UBL3: variants seen among roughly 807,000 people sequenced by gnomAD.
UBL3 encodes the protein ubiquitin like 3, also known as ubiquitin-like protein 3.
Under a neutral mutation model 18.4 loss-of-function variants are expected in UBL3, and 6 were observed. The observed-to-expected ratio is 0.33, with a 90% CI of 0.18 to 0.64. The LOEUF is 0.64. Ranked by LOEUF, UBL3 falls within the 30% of genes least tolerant of loss-of-function variation. The pLI, the probability that UBL3 is intolerant of heterozygous loss-of-function variation, is 0.76. For missense variants in UBL3, 109 were observed against 142.9 expected (o/e 0.76, Z 1.21); for synonymous variants, 49 against 46.6 (o/e 1.05, Z -0.21).
intron 1 of UBL3, among the ~76,000 whole-genome samples, chr13:29,784,695 A>AG (rs547268206): frequency 6.6e-6 from 1 of 152,300 alleles, no homozygotes; most frequent in Admixed American, 6.5e-5. Flanking sequence ...GCCAGCTGGA[A>AG]GGGGAGACAG....
intron 1 of UBL3, among the ~76,000 whole-genome samples, chr13:29,813,630 A>G (rs1878174648): frequency 6.6e-6 from 1 of 152,112 alleles, no homozygotes; most frequent in Non-Finnish European, 1.5e-5. Flanking sequence ...GTTGTAAGTA[A>G]TCTAGAGATA....
At chr13:29,789,903 C>T (rs1430627217) in intron 1 of UBL3, among the ~76,000 whole-genome samples, 3 of 152,118 alleles carry the variant, frequency 2.0e-5, no homozygotes, top group African/African-American at 2.4e-5. Flanking sequence ...ATATTTGTAT[C>T]ACTGTTGCAT....
rs2139303566 is a variant in UBL3, at chr13:29,766,965, T to C, written c.*290A>G. ...AATTTTGTGGCAGCAAAATGGTTTC[T>C]GCTACGAAAGATAACTTGTTAACTT... On this transcript the variant is annotated 3_prime_UTR_variant, in exon 5 of 5. Coordinates refer to ENST00000380680, the MANE Select transcript of UBL3 (RefSeq NM_007106.4). The C allele has an allele frequency of 3.9e-6, 1 of 257,676 alleles. No homozygotes were observed. Among genetic ancestry groups the C allele is most frequent in the East Asian group, 7.7e-5 (1 of 12,986 alleles). The allele number at this position is 257,676 out of a possible 1,614,324, so 16.0% of individuals were successfully genotyped here. A position where few individuals can be genotyped will look rare whatever the true frequency, so the allele number is the denominator to read the frequency against.
chr13:29,768,064 T>C (rs1452337142), intron 3 of UBL3, among the ~76,000 whole-genome samples: 1 of 152,102 alleles, frequency 6.6e-6, no homozygotes, highest in African/African-American at 2.4e-5. Flanking sequence ...TATTCATTTC[T>C]AAATCTAATT....
At chr13:29,822,072 T>C (rs1878468252) in intron 1 of UBL3, among the ~76,000 whole-genome samples, 2 of 152,234 alleles carry the variant, frequency 1.3e-5, no homozygotes, top group Admixed American at 6.5e-5. Context: ...TGGTTGAATA[T>C]ATATGGTAGG....
At position 29,777,171 on chromosome 13, in the gene UBL3, A is replaced by G; in HGVS notation, c.120T>C (p.Tyr40=). The G allele has an allele frequency of 6.2e-7, 1 of 1,603,366 alleles. No homozygotes were observed. Among genetic ancestry groups the G allele is most frequent in the Non-Finnish European group, 8.5e-7 (1 of 1,174,718 alleles). ...DSASDIAKHV[Y]DNWPMDWEEE... ...ATCACTCACCCATTGGCCAATTGTC[A>G]TATACATGCTTTGCAATGTCAGAAG... The change falls in exon 2 of 5, where the codon TAT becomes TAC. Residue 40 remains tyrosine, a synonymous_variant. Coordinates refer to ENST00000380680, the MANE Select transcript of UBL3 (RefSeq NM_007106.4).
chr13:29,833,640 T>C (rs555157923), intron 1 of UBL3, among the ~76,000 whole-genome samples: 17 of 152,278 alleles, frequency 1.1e-4, no homozygotes, highest in African/African-American at 3.8e-4. Flanking sequence ...CTGTGAGCCC[T>C]TCCCTGATCC....
intron 1 of UBL3, among the ~76,000 whole-genome samples, chr13:29,823,422 G>GT (rs756761446): frequency 7.2e-5 from 11 of 152,198 alleles, no homozygotes; most frequent in Non-Finnish European, 1.6e-4. Flanking sequence ...GATTACAGGC[G>GT]TGAGCCACTG....
chr13:29,796,020 A>C (rs926153821), intron 1 of UBL3, among the ~76,000 whole-genome samples: 1 of 151,582 alleles, frequency 6.6e-6, no homozygotes. Flanking sequence ...TTCGGTTCTT[A>C]TAATTAGAAA....
chr13:29,804,531 C>G (rs561813623), intron 1 of UBL3, among the ~76,000 whole-genome samples: 1 of 151,926 alleles, frequency 6.6e-6, no homozygotes, highest in East Asian at 1.9e-4. Flanking sequence ...ATCAACAAAT[C>G]CAGGAGTTGG....
intron 1 of UBL3, among the ~76,000 whole-genome samples, chr13:29,836,685 G>C (rs1878970277): frequency 6.6e-6 from 1 of 151,952 alleles, no homozygotes; most frequent in African/African-American, 2.4e-5. Context: ...ATCTCACTGG[G>C]CTGGGAAGAC....
At chr13:29,789,545 A>C (rs1877429820) in intron 1 of UBL3, among the ~76,000 whole-genome samples, 1 of 152,212 alleles carries the variant, frequency 6.6e-6, no homozygotes, top group Admixed American at 6.5e-5. Context: ...TGTGTGTTAA[A>C]AAGGCACTAG....
chr13:29,800,928 G>A (rs1381921470), intron 1 of UBL3, among the ~76,000 whole-genome samples: 2 of 152,168 alleles, frequency 1.3e-5, no homozygotes, highest in African/African-American at 4.8e-5. Context: ...CGGTGCAGCA[G>A]CCTTATGGAA....
chr13:29,804,130 T>G (rs1376591515), intron 1 of UBL3, among the ~76,000 whole-genome samples: 3 of 149,192 alleles, frequency 2.0e-5, no homozygotes, highest in Non-Finnish European at 4.4e-5. Flanking sequence ...TCTTGGACCA[T>G]AGCTCATTAA....
At chr13:29,802,813 G>A (rs1035508650) in intron 1 of UBL3, among the ~76,000 whole-genome samples, 7 of 152,166 alleles carry the variant, frequency 4.6e-5, no homozygotes, top group African/African-American at 1.4e-4. Context: ...ATGAAATAAA[G>A]AGACTAAATC....
intron 1 of UBL3, among the ~76,000 whole-genome samples, chr13:29,805,778 T>C (rs12877107): frequency 3.3e-5 from 5 of 152,136 alleles, no homozygotes; most frequent in Non-Finnish European, 5.9e-5. Context: ...GCTAGACTTT[T>C]AAATAAATTC....
chr13:29,769,065 T>C (rs777290628), intron 3 of UBL3, among the ~76,000 whole-genome samples: 2 of 152,066 alleles, frequency 1.3e-5, no homozygotes, highest in Non-Finnish European at 2.9e-5. Context: ...CTAATTCCAT[T>C]ACCTGCCCTT....
chr13:29,817,365 G>A (rs191667736), intron 1 of UBL3, among the ~76,000 whole-genome samples: 225 of 152,260 alleles, frequency 1.5e-3, no homozygotes, highest in African/African-American at 5.1e-3. Context: ...ATGGGCAGCA[G>A]AACCTTCGAA....
intron 1 of UBL3, among the ~76,000 whole-genome samples, chr13:29,800,546 A>C (rs1315392679): frequency 6.6e-6 from 1 of 152,258 alleles, no homozygotes; most frequent in Admixed American, 6.5e-5. Context: ...TGACATATAA[A>C]AATGTTGTCT....
Sources: gnomAD v4.1 joint callset for allele counts (sites outside exome capture counted in the v4.1 genomes callset) on GRCh38, gnomAD v4.1.1 for gene constraint, MANE v1.5 for transcripts, NCBI Gene and HGNC (gene_info 2026-07-23, HGNC 2026-07-21) for gene names.